STK39: variants seen among roughly 807,000 people sequenced by gnomAD.
STK39 encodes the protein STE20/SPS1-related proline-alanine-rich protein kinase.
A neutral mutation model predicts 77.8 loss-of-function variants in STK39; 20 were observed. The observed-to-expected ratio is 0.26, with a 90% CI of 0.18 to 0.37. The LOEUF (loss-of-function observed/expected upper bound fraction) is 0.37, where lower values mean the gene tolerates loss of function less well. Among genes scored for constraint, STK39 ranks in the 10% least tolerant of loss-of-function variants. STK39 has a pLI of 1.00. For synonymous variants in STK39, 246 were observed against 234.1 expected (o/e 1.05, Z -0.47); for missense variants, 479 against 656.5 (o/e 0.73, Z 2.95).
At chr2:168,018,594 G>GAAAGAAAGAAAGAAAGAAAGAAAGAAAT (rs1452217033) in intron 14 of STK39, among the ~76,000 whole-genome samples, 1 of 148,224 alleles carries the variant, frequency 6.7e-6, no homozygotes, top group Admixed American at 6.9e-5. Flanking sequence ...AAGAAAGAAA[G>GAAAGAAAGAAAGAAAGAAAGAAAGAAAT]AAAGAAATTG....
At chr2:168,226,209 A>G (rs1241409355) in intron 1 of STK39, among the ~76,000 whole-genome samples, 2 of 152,200 alleles carry the variant, frequency 1.3e-5, no homozygotes, top group Non-Finnish European at 2.9e-5. Flanking sequence ...CAGAATAGTG[A>G]GGATCCAAAG....
chr2:168,243,866 C>T (rs1690834379), intron 1 of STK39, among the ~76,000 whole-genome samples: 1 of 152,128 alleles, frequency 6.6e-6, no homozygotes, highest in African/African-American at 2.4e-5. Flanking sequence ...TTAAGTGCCC[C>T]TTATACTTCT....
intron 12 of STK39, among the ~76,000 whole-genome samples, chr2:168,072,051 T>C (rs928373867): frequency 2.6e-5 from 4 of 152,152 alleles, no homozygotes; most frequent in Admixed American, 6.5e-5. Context: ...ACAATTTTCA[T>C]TCATCTAATA....
At chr2:167,967,934 C>T (rs955558734) in intron 16 of STK39, among the ~76,000 whole-genome samples, 1 of 151,740 alleles carries the variant, frequency 6.6e-6, no homozygotes. Context: ...CTTTTTCAAC[C>T]TTGCCCCCCT....
At chr2:168,085,992 G>A (rs573111282) in intron 10 of STK39, among the ~76,000 whole-genome samples, 1 of 152,304 alleles carries the variant, frequency 6.6e-6, no homozygotes, top group South Asian at 2.1e-4. Context: ...CAGGTGACCT[G>A]ACCATCTGGC....
chr2:168,071,902 A>G (rs944982453), intron 12 of STK39, among the ~76,000 whole-genome samples: 1 of 151,982 alleles, frequency 6.6e-6, no homozygotes, highest in African/African-American at 2.4e-5. Flanking sequence ...AAATCAGCAG[A>G]CACATAAAAC....
intron 10 of STK39, among the ~76,000 whole-genome samples, chr2:168,110,264 GCT>G (rs1687087211): frequency 6.6e-6 from 1 of 152,038 alleles, no homozygotes; most frequent in African/African-American, 2.4e-5. Context: ...ACAAGGTCTT[GCT>G]CTGTCACCCA....
intron 5 of STK39, among the ~76,000 whole-genome samples, chr2:168,143,467 C>G (rs1010091525): frequency 6.6e-6 from 1 of 152,230 alleles, no homozygotes; most frequent in Non-Finnish European, 1.5e-5. Context: ...AACCCCAGCA[C>G]TTTGGGAGGC....
intron 16 of STK39, among the ~76,000 whole-genome samples, chr2:168,001,519 T>A (rs570542379): frequency 0.022 from 3,284 of 150,474 alleles, 123 homozygotes; most frequent in African/African-American, 0.073. Context: ...CCTCTTTTTT[T>A]AAAAAAAAAA....
chr2:168,058,017 T>C (rs1211391286), intron 14 of STK39, among the ~76,000 whole-genome samples: 1 of 152,154 alleles, frequency 6.6e-6, no homozygotes, highest in African/African-American at 2.4e-5. Context: ...ACATGCTTTT[T>C]TTAAAAAAAA....
intron 12 of STK39, among the ~76,000 whole-genome samples, chr2:168,071,677 C>T (rs1246294306): frequency 6.6e-6 from 1 of 151,802 alleles, no homozygotes; most frequent in African/African-American, 2.4e-5. Flanking sequence ...GTCAGGAGAT[C>T]GAGACCACGG....
At chr2:168,121,699 T>G (rs1159306929) in intron 10 of STK39, among the ~76,000 whole-genome samples, 1 of 152,182 alleles carries the variant, frequency 6.6e-6, no homozygotes, top group Non-Finnish European at 1.5e-5. Flanking sequence ...TTTCACTACA[T>G]ACTTCTAAAA....
At chr2:167,993,301 A>G (rs1180432510) in intron 16 of STK39, among the ~76,000 whole-genome samples, 2 of 152,222 alleles carry the variant, frequency 1.3e-5, no homozygotes, top group Non-Finnish European at 2.9e-5. Context: ...GTATGGACCA[A>G]TCACAGGGGA....
At chr2:167,988,269 T>C (rs1388842504) in intron 16 of STK39, among the ~76,000 whole-genome samples, 2 of 152,206 alleles carry the variant, frequency 1.3e-5, no homozygotes, top group Non-Finnish European at 2.9e-5. Flanking sequence ...GTGTGACGTC[T>C]ATCTCATGTA....
chr2:168,004,175 G>A (rs1684065817), intron 16 of STK39, among the ~76,000 whole-genome samples: 2 of 152,204 alleles, frequency 1.3e-5, no homozygotes, highest in Admixed American at 1.3e-4. Context: ...ACTGCCTCCT[G>A]AGCAGCAATG....
intron 10 of STK39, among the ~76,000 whole-genome samples, chr2:168,079,691 T>G (rs1161092963): frequency 6.6e-6 from 1 of 152,208 alleles, no homozygotes; most frequent in Non-Finnish European, 1.5e-5. Flanking sequence ...TCCTTTTCAA[T>G]AAGATCCCCC....
At chr2:168,072,543 G>A (rs1685968080) in intron 12 of STK39, among the ~76,000 whole-genome samples, 1 of 152,066 alleles carries the variant, frequency 6.6e-6, no homozygotes, top group African/African-American at 2.4e-5. Flanking sequence ...ATTATATATT[G>A]TTTACCTACT....
chr2:168,174,507 A>C (rs1688907844), intron 2 of STK39, among the ~76,000 whole-genome samples: 1 of 152,188 alleles, frequency 6.6e-6, no homozygotes, highest in African/African-American at 2.4e-5. Flanking sequence ...ATGAAAACTC[A>C]ATAGGAAGAT....
At chr2:168,000,894 T>C (rs1443281378) in intron 16 of STK39, among the ~76,000 whole-genome samples, 5 of 152,228 alleles carry the variant, frequency 3.3e-5, no homozygotes, top group Non-Finnish European at 5.9e-5. Context: ...TTGAATCTGA[T>C]GGTCTGATTT....
Sources: gnomAD v4.1 joint callset for allele counts (sites outside exome capture counted in the v4.1 genomes callset) on GRCh38, gnomAD v4.1.1 for gene constraint, MANE v1.5 for transcripts, NCBI Gene and HGNC (gene_info 2026-07-23, HGNC 2026-07-21) for gene names.